Variants in RAB12 observed in about 807,000 individuals in gnomAD.
The protein encoded by RAB12 is ras-related protein Rab-12.
A neutral mutation model predicts 28.4 loss-of-function variants in RAB12; 11 were observed. That is an observed-to-expected ratio of 0.39 (90% CI 0.24 to 0.64). The LOEUF is 0.64. RAB12 is among the 30% of genes least tolerant of loss of function. The pLI, the probability that RAB12 is intolerant of heterozygous loss-of-function variation, is 0.50. For synonymous variants in RAB12, 138 were observed against 145.3 expected, an observed-to-expected ratio of 0.95 and a Z score of 0.36; for missense variants, 276 against 351.1, an observed-to-expected ratio of 0.79 and a Z score of 1.71.
At chr18:8,610,060 GGCCTCTCGGTGAAA>G in intron 1 of RAB12, 107 bp downstream of exon 1, 6 of 813,634 alleles carry the variant, frequency 7.4e-6, no homozygotes, top group Non-Finnish European at 1.2e-5. Flanking sequence ...TTCGGGGATG[GGCCTCTCGGTGAAA>G]CTAGGGGCGG....
In RAB12 at chr18:8,638,389, T is replaced by G; in HGVS notation, c.*127T>G. ...ATCCAAGTCAGAGCTATACACTAAC[T>G]TGTAAATATGCATATATGCAATCCT... On this transcript the variant is annotated 3_prime_UTR_variant, in exon 6 of 6. Coordinates refer to ENST00000649141, the MANE Select transcript of RAB12 (RefSeq NM_001025300.3). The G allele has an allele frequency of 1.5e-6, 1 of 652,876 alleles. No homozygotes were observed. The allele number at this position is 652,876 out of a possible 1,614,324, so 40.4% of individuals were successfully genotyped here.
intron 2 of RAB12, among the ~76,000 whole-genome samples, chr18:8,631,839 A>G (rs529607362): frequency 1.3e-5 from 2 of 152,324 alleles, no homozygotes; most frequent in Non-Finnish European, 2.9e-5. Flanking sequence ...AGAAATAAAA[A>G]ATTACTTTCA....
chr18:8,635,456 T>C, intron 3 of RAB12, 77 bp from the exon 4 acceptor site: 1 of 1,047,142 alleles, frequency 9.5e-7, no homozygotes, highest in Non-Finnish European at 1.4e-6. Flanking sequence ...CGAAAAATAC[T>C]GTATCGGTTT....
At chr18:8,622,629 A>G (rs769607768) in intron 1 of RAB12, among the ~76,000 whole-genome samples, 120 of 152,226 alleles carry the variant, frequency 7.9e-4, no homozygotes, top group Non-Finnish European at 1.4e-3. Flanking sequence ...TAAAATTGCT[A>G]ATGAAGTTTC....
chr18:8,638,051 TA>T, intron 5 of RAB12, 97 bp from the exon 6 acceptor site: 1 of 712,324 alleles, frequency 1.4e-6, no homozygotes. Flanking sequence ...CAGCTGTGTA[TA>T]AGTGGACCTG....
intron 1 of RAB12, among the ~76,000 whole-genome samples, chr18:8,618,536 G>T (rs973585407): frequency 6.6e-6 from 1 of 150,706 alleles, no homozygotes; most frequent in Admixed American, 6.6e-5. Flanking sequence ...TTGAGACAGA[G>T]CCTTGCTCTG....
Position 8,638,327 on chromosome 18 carries a change from C to G in RAB12, c.*65C>G. Reference sequence around the variant, plus strand: ...AGGGGAAAAAACGTTCTATTCTGCACTACAATCATTTTGACAATTTCCTTT... The same window carrying G: ...AGGGGAAAAAACGTTCTATTCTGCAGTACAATCATTTTGACAATTTCCTTT... On this transcript the variant is annotated 3_prime_UTR_variant, in exon 6 of 6. Transcript: ENST00000649141. The G allele has an allele frequency of 9.0e-7, 1 of 1,115,374 alleles. No individual in the cohort carries two copies. Among genetic ancestry groups the G allele is most frequent in the Non-Finnish European group, 1.4e-6 (1 of 739,174 alleles). The allele number at this position is 1,115,374 out of a possible 1,614,324, so 69.1% of individuals were successfully genotyped here. A position where few individuals can be genotyped will look rare whatever the true frequency, so the allele number is the denominator to read the frequency against.
intron 2 of RAB12, among the ~76,000 whole-genome samples, chr18:8,628,872 A>G (rs1448093661): frequency 6.6e-6 from 1 of 152,174 alleles, no homozygotes; most frequent in East Asian, 1.9e-4. Context: ...TTGAATGTGA[A>G]TGGAAGTGCA....
intron 2 of RAB12, among the ~76,000 whole-genome samples, chr18:8,630,921 C>G (rs58671277): frequency 6.6e-6 from 1 of 152,252 alleles, no homozygotes. Flanking sequence ...GAGTCTTGCT[C>G]TCTGTCCCCT....
intron 1 of RAB12, among the ~76,000 whole-genome samples, chr18:8,618,449 T>A (rs2096007886): frequency 2.0e-5 from 3 of 152,064 alleles, no homozygotes; most frequent in South Asian, 4.1e-4. Context: ...AGCCAGATAA[T>A]ATTAAATAGT....
In RAB12 at chr18:8,624,983, T is replaced by C; in HGVS notation, c.560T>C (p.Ile187Thr). 1 of 1,602,008 alleles carries C rather than the reference T, an allele frequency of 6.2e-7. No homozygotes were observed. The highest frequency in any genetic ancestry group is 1.1e-5 in the South Asian group (1 of 90,606). Reference protein sequence around the residue: ...IKTVELRGKKIRLQIWDTAGQ... With the variant: ...IKTVELRGKKTRLQIWDTAGQ... ...ACTGTAGAGCTAAGAGGAAAGAAAATTAGATTACAGATCTGGTAAGTGGGA... is the reference window on the plus strand; with the variant it reads ...ACTGTAGAGCTAAGAGGAAAGAAAACTAGATTACAGATCTGGTAAGTGGGA... Residue 187 changes from isoleucine (I) to threonine (T), a missense_variant, in exon 2 of 6, where the codon ATT (isoleucine) becomes ACT (threonine). By Grantham distance (89) the Ile-to-Thr change is moderately conservative (BLOSUM62 -1). This residue lies in a region of RAB12 where 76 missense variants were observed against 117.9 expected (regional missense o/e 0.64). Coordinates refer to ENST00000649141, the MANE Select transcript of RAB12 (RefSeq NM_001025300.3).
At chr18:8,618,257 G>A (rs748413871) in intron 1 of RAB12, among the ~76,000 whole-genome samples, 14 of 152,292 alleles carry the variant, frequency 9.2e-5, no homozygotes, top group Non-Finnish European at 1.6e-4. Flanking sequence ...GAGTGCAAGC[G>A]AGGACAGGTC....
chr18:8,625,931 C>A (rs531712987), intron 2 of RAB12, among the ~76,000 whole-genome samples: 4 of 152,194 alleles, frequency 2.6e-5, no homozygotes, highest in African/African-American at 4.8e-5. Context: ...ATTCTTCATC[C>A]GTGTCCCTGT....
In RAB12 at chr18:8,633,243, T is replaced by C. The variant is rs747969509; in HGVS notation, c.630T>C (p.Ser210=). ...FNSITSAYYR[S]AKGIILVYDI... Reference sequence around the variant, plus strand: ...GCATTACCTCAGCTTATTACAGAAGTGCCAAGGGGATCATATTAGTATATG... The same window carrying C: ...GCATTACCTCAGCTTATTACAGAAGCGCCAAGGGGATCATATTAGTATATG... Residue 210 remains serine (S), a synonymous_variant, in exon 3 of 6, where the codon AGT becomes AGC. Coordinates refer to ENST00000649141, the MANE Select transcript of RAB12 (RefSeq NM_001025300.3). 1.9e-6 allele frequency: 3 copies of C among 1,614,090 alleles called. No individual in the cohort carries two copies. In the African/African-American group the frequency reaches 4.0e-5, roughly 22 times the overall value.
intron 2 of RAB12, among the ~76,000 whole-genome samples, chr18:8,630,761 G>A (rs898973890): frequency 6.6e-6 from 1 of 152,242 alleles, no homozygotes; most frequent in South Asian, 2.1e-4. Context: ...TTTCAAAGGA[G>A]CAGTTGGGTA....
intron 4 of RAB12, chr18:8,636,041 G>A (rs2096018708): frequency 1.1e-5 from 6 of 537,154 alleles, no homozygotes; most frequent in South Asian, 1.1e-4. Flanking sequence ...GAAGGTCCCG[G>A]CATCACCTTC....
intron 2 of RAB12, among the ~76,000 whole-genome samples, chr18:8,632,630 G>T (rs967946750): frequency 2.0e-5 from 3 of 152,150 alleles, no homozygotes; most frequent in African/African-American, 7.2e-5. Context: ...TTGTGGCTTG[G>T]AGGGCATTCA....
chr18:8,638,326 A>C lies in RAB12; in HGVS notation c.*64A>C, dbSNP rs2148712877. On this transcript the variant is annotated 3_prime_UTR_variant, in exon 6 of 6. Coordinates refer to ENST00000649141, the MANE Select transcript of RAB12 (RefSeq NM_001025300.3). ...AAGGGGAAAAAACGTTCTATTCTGC[A>C]CTACAATCATTTTGACAATTTCCTT... The C allele has an allele frequency of 8.9e-7, 1 of 1,121,538 alleles. No individual in the cohort carries two copies. Among genetic ancestry groups the C allele is most frequent in the East Asian group, 2.4e-5 (1 of 42,014 alleles). 69.5% of individuals were successfully genotyped at this position (1,121,538 alleles called of 1,614,324 possible). A position where few individuals can be genotyped will look rare whatever the true frequency, so the allele number is the denominator to read the frequency against.
Position 8,610,107 on chromosome 18 carries a change from A to C in RAB12, c.514+154A>C, listed in dbSNP as rs1439241874. ...CGGGGGTCTCCTTGGAGCGCCCTGCATCCCAATCCCAAAGCCTGGCAGAGG... is the reference window on the plus strand; with the variant it reads ...CGGGGGTCTCCTTGGAGCGCCCTGCCTCCCAATCCCAAAGCCTGGCAGAGG... On this transcript the variant is annotated intron_variant, in intron 1 of 5. Transcript: ENST00000649141. 1.0e-5 allele frequency: 6 copies of C among 573,242 alleles called. No individual in the cohort carries two copies. In the South Asian group the frequency reaches 1.3e-4, roughly 12 times the overall value. 35.5% of individuals were successfully genotyped at this position (573,242 alleles called of 1,614,324 possible).
Sources: gnomAD v4.1 joint callset for allele counts (sites outside exome capture counted in the v4.1 genomes callset) on GRCh38, gnomAD v4.1.1 for gene constraint, gnomAD v4.1.1 regional missense constraint, MANE v1.5 for transcripts, NCBI Gene and HGNC (gene_info 2026-07-23, HGNC 2026-07-21) for gene names.